ITGB6: variants seen among roughly 807,000 people sequenced by gnomAD.
ITGB6 encodes integrin subunit beta 6.
ITGB6 carries 80 observed loss-of-function variants against 84.5 expected under a neutral mutation model. That is an observed-to-expected ratio of 0.95 (90% confidence interval 0.79 to 1.14). The LOEUF (loss-of-function observed/expected upper bound fraction) is 1.14, where lower values mean the gene tolerates loss of function less well. Ranked by LOEUF, ITGB6 falls within the 50% of genes most tolerant of loss-of-function variation. The pLI is 0.00. For synonymous variants in ITGB6, 383 were observed against 354.9 expected (o/e 1.08, Z -0.89); for missense variants, 1,006 against 968.0 (o/e 1.04, Z -0.52).
At chr2:160,166,039 T>C (rs2925765) in intron 7 of ITGB6, among the ~76,000 whole-genome samples, 147,216 of 152,322 alleles carry the variant, frequency 0.97, 71,293 homozygotes, top group East Asian at 1. Context: ...ATCTACTGTG[T>C]TTCGAGAATT....
chr2:160,192,577 A>T (rs1686183155), intron 4 of ITGB6, among the ~76,000 whole-genome samples: 1 of 152,170 alleles, frequency 6.6e-6, no homozygotes, highest in Non-Finnish European at 1.5e-5. Context: ...ATTTCTTAGG[A>T]CATACAACAC....
At chr2:160,196,644 T>C (rs927136533) in intron 2 of ITGB6, among the ~76,000 whole-genome samples, 1 of 152,098 alleles carries the variant, frequency 6.6e-6, no homozygotes, top group African/African-American at 2.4e-5. Flanking sequence ...GAGTCTCCTT[T>C]CAGTTATGTT....
Position 160,112,212 on chromosome 2 carries a change from GA to G in ITGB6, c.1982-14del, listed in dbSNP as rs1403930145. 6.3e-7 allele frequency: 1 copy of G among 1,596,210 alleles called. No individual in the cohort carries two copies. On this transcript the variant is annotated splice_polypyrimidine_tract_variant and intron_variant, in intron 12 of 14. Transcript: ENST00000283249. ...TCCTTTGAGAAATCTGCAGATAAAG[GA>G]GTCATTCATTAGGTTAAACAAGATT...
At chr2:160,192,556 A>T (rs1686182831) in intron 4 of ITGB6, among the ~76,000 whole-genome samples, 1 of 152,174 alleles carries the variant, frequency 6.6e-6, no homozygotes, top group Admixed American at 6.6e-5. Context: ...TGATCTTTAC[A>T]GTAAGCAAAA....
chr2:160,199,949 A>T, intron 1 of ITGB6, 54 bp downstream of exon 1: 1 of 1,348,204 alleles, frequency 7.4e-7, no homozygotes, highest in Non-Finnish European at 1.1e-6. Flanking sequence ...GAACCAAATG[A>T]CAGGTTTGTC....
chr2:160,137,310 G>T, intron 10 of ITGB6, 124 bp downstream of exon 10: 1 of 885,234 alleles, frequency 1.1e-6, no homozygotes, highest in Non-Finnish European at 1.8e-6. Context: ...CTAGGTCTAA[G>T]GCTGATCAGC....
chr2:160,107,679 C>T lies in ITGB6; in HGVS notation c.2268G>A (p.Thr756=), dbSNP rs1166559742. The change falls in exon 14 of 15, where the codon ACG becomes ACA. Residue 756 remains threonine, a splice_region_variant and synonymous_variant. Transcript: ENST00000283249. ...EAERSKAKWQ[T]GTNPLYRGST... ...GGAGTAGCCCTAAGTTTCCACATAC[C>T]GTTTGCCACTTGGCTTTTGATCGTT... 5.0e-6 allele frequency: 8 copies of T among 1,613,756 alleles called. No homozygotes were observed. Among genetic ancestry groups the T allele is most frequent in the South Asian group, 1.1e-5 (1 of 91,044 alleles).
At chr2:160,106,409 T>C (rs1696907904) in intron 14 of ITGB6, among the ~76,000 whole-genome samples, 1 of 152,110 alleles carries the variant, frequency 6.6e-6, no homozygotes, top group South Asian at 2.1e-4. Context: ...GGCTAATTTT[T>C]GTATTTCTTT....
chr2:160,182,230 A>G (rs1230782754), intron 4 of ITGB6, among the ~76,000 whole-genome samples: 1 of 152,206 alleles, frequency 6.6e-6, no homozygotes. Context: ...CAATGCAAGG[A>G]AGCTAAGAAC....
rs540209773 is a variant in ITGB6 at position 160,121,889 on chromosome 2, CT to C, written c.1981+1901del. Reference sequence around the variant, plus strand: ...AATTCATACAGATTATAAAGTTATGCTTTTTTTTTTTACTCCTGGGGAGTAA... The same window carrying C: ...AATTCATACAGATTATAAAGTTATGCTTTTTTTTTTACTCCTGGGGAGTAA... On this transcript the variant is annotated intron_variant, in intron 12 of 14. Transcript: ENST00000283249. Among the ~76,000 whole-genome samples, 362 of 143,754 alleles carry C rather than the reference CT, an allele frequency of 2.5e-3. 1 individual carries two copies. Among genetic ancestry groups the C allele is most frequent in the Middle Eastern group, 3.6e-3 (1 of 278 alleles). The allele number at this position is 143,754 out of a possible 152,430, so 94.3% of individuals were successfully genotyped here.
intron 10 of ITGB6, among the ~76,000 whole-genome samples, chr2:160,128,983 G>A (rs1022261048): frequency 3.3e-5 from 5 of 152,080 alleles, no homozygotes; most frequent in Non-Finnish European, 7.4e-5. Context: ...AGCTGTCATG[G>A]ATCAGGTCAT....
chr2:160,166,095 A>G (rs1451290959), intron 7 of ITGB6, among the ~76,000 whole-genome samples: 1 of 152,222 alleles, frequency 6.6e-6, no homozygotes, highest in African/African-American at 2.4e-5. Context: ...CAAACAGTTA[A>G]TGATTGAGGG....
In ITGB6 at chr2:160,153,586, A is replaced by G. The variant is rs559185421; in HGVS notation, c.1018-11515T>C. 8.7e-3 allele frequency among the ~76,000 whole-genome samples: 1,323 copies of G among 152,326 alleles called. 26 individuals are homozygous for G. Among genetic ancestry groups the G allele is most frequent in the African/African-American group, 0.031 (1,277 of 41,570 alleles). ...TGGCAACAAAAGCCAAAACTGACAA[A>G]TGGGATCTAATTAAACTAAAGAGCT... On this transcript the variant is annotated intron_variant, in intron 7 of 14. Transcript: ENST00000283249.
intron 14 of ITGB6, among the ~76,000 whole-genome samples, chr2:160,106,178 T>G (rs993236834): frequency 3.9e-5 from 6 of 152,216 alleles, no homozygotes; most frequent in Non-Finnish European, 5.9e-5. Flanking sequence ...TTAACCATAC[T>G]TATTTGCTAT....
chr2:160,144,399 G>A (rs34810401), intron 7 of ITGB6, among the ~76,000 whole-genome samples: 8,650 of 152,208 alleles, frequency 0.057, 341 homozygotes, highest in Middle Eastern at 0.13. Context: ...ACTGGTTTAC[G>A]GACTTACCTT....
chr2:160,148,599 G>C (rs1239533845), intron 7 of ITGB6, among the ~76,000 whole-genome samples: 2 of 152,190 alleles, frequency 1.3e-5, no homozygotes, highest in Admixed American at 6.5e-5. Context: ...GGGACTGGCT[G>C]GACAAAGGGT....
intron 7 of ITGB6, among the ~76,000 whole-genome samples, chr2:160,154,420 G>A (rs1052566521): frequency 6.6e-6 from 1 of 150,804 alleles, no homozygotes. Flanking sequence ...ACATCACACA[G>A]CAGGGCCTGT....
chr2:160,195,726 A>G, intron 3 of ITGB6, 111 bp from the exon 4 acceptor site: 1 of 1,157,446 alleles, frequency 8.6e-7, no homozygotes, highest in Non-Finnish European at 1.2e-6. Context: ...ACTTACTGAA[A>G]TACATATGAT....
chr2:160,115,464 A>G (rs1012198425), intron 12 of ITGB6, among the ~76,000 whole-genome samples: 1 of 152,234 alleles, frequency 6.6e-6, no homozygotes, highest in African/African-American at 2.4e-5. Context: ...GTCTGTTAGA[A>G]GGAAAACTAA....
Sources: gnomAD v4.1 joint callset for allele counts (sites outside exome capture counted in the v4.1 genomes callset) on GRCh38, gnomAD v4.1.1 for gene constraint, MANE v1.5 for transcripts, NCBI Gene and HGNC (gene_info 2026-07-23, HGNC 2026-07-21) for gene names.